The following IQCM variants were observed in gnomAD, a reference collection of about 807,000 sequenced individuals.
The protein encoded by IQCM is IQ domain-containing protein M.
IQCM carries 45 observed loss-of-function variants against 57.6 expected under a neutral mutation model. The observed-to-expected ratio is 0.78, with a 90% CI of 0.62 to 1.00. IQCM has a LOEUF of 1.00. IQCM is among the 50% of genes least tolerant of loss of function. The pLI is 0.00. For synonymous variants in IQCM, 148 were observed against 158.9 expected, an observed-to-expected ratio of 0.93 and a Z score of 0.51; for missense variants, 468 against 511.6, an observed-to-expected ratio of 0.91 and a Z score of 0.82.
intron 13 of IQCM, among the ~76,000 whole-genome samples, chr4:149,398,868 G>T (rs1276258135): frequency 6.6e-6 from 1 of 151,766 alleles, no homozygotes; most frequent in African/African-American, 2.4e-5. Flanking sequence ...CACCATGCAT[G>T]GCTAGTTTTT....
intron 7 of IQCM, among the ~76,000 whole-genome samples, chr4:149,659,231 C>T (rs1435435728): frequency 2.0e-5 from 3 of 152,004 alleles, no homozygotes; most frequent in African/African-American, 7.2e-5. Context: ...CTCCCATTCA[C>T]AATTGCTTCA....
intron 7 of IQCM, among the ~76,000 whole-genome samples, chr4:149,679,776 A>G (rs1762042412): frequency 6.6e-6 from 1 of 151,458 alleles, no homozygotes; most frequent in African/African-American, 2.4e-5. Context: ...ATAGACCTCA[A>G]TGATTATGTC....
At position 149,641,947 on chromosome 4, in the gene IQCM, T is replaced by C. The variant is rs184099878; in HGVS notation, c.566-20703A>G. The stretch of plus-strand genomic sequence containing the variant: ...CTTGATTTTGTATTCTAAAAATTAG[T>C]TCAACAATTTCACTGTAGATAAATT... On this transcript the variant is annotated intron_variant, in intron 7 of 13. Coordinates refer to ENST00000636793, the MANE Select transcript of IQCM (RefSeq NM_001363507.2). Among the ~76,000 whole-genome samples the C allele has an allele frequency of 9.9e-5, 15 of 152,274 alleles. No homozygotes were observed. The East Asian group carries it at 2.1e-3, about 22-fold the overall frequency.
chr4:149,646,498 T>C (rs1398265232), intron 7 of IQCM, among the ~76,000 whole-genome samples: 1 of 152,166 alleles, frequency 6.6e-6, no homozygotes, highest in Non-Finnish European at 1.5e-5. Context: ...ATATCACCTT[T>C]TACATTCTTA....
chr4:149,481,697 T>TTTTGTTTTTTTTTTTTTTTGTTTG (rs1740810440), intron 12 of IQCM, among the ~76,000 whole-genome samples: 12 of 91,060 alleles, frequency 1.3e-4, no homozygotes, highest in African/African-American at 4.3e-4. Flanking sequence ...ATTCTTCCAG[T>TTTTGTTTTTTTTTTTTTTTGTTTG]TTTGTTTTTT....
At chr4:149,667,477 C>T (rs532310906) in intron 7 of IQCM, among the ~76,000 whole-genome samples, 9 of 152,096 alleles carry the variant, frequency 5.9e-5, no homozygotes, top group Non-Finnish European at 1.3e-4. Context: ...ATGAGAAAAC[C>T]AGCACAAAAA....
intron 2 of IQCM, among the ~76,000 whole-genome samples, chr4:149,815,035 C>G (rs969249690): frequency 2.0e-5 from 3 of 151,936 alleles, no homozygotes; most frequent in African/African-American, 7.2e-5. Context: ...TTTATTTTCT[C>G]TTTGTAAGAG....
chr4:149,472,136 G>T (rs960493730), intron 12 of IQCM, among the ~76,000 whole-genome samples: 1 of 152,190 alleles, frequency 6.6e-6, no homozygotes, highest in African/African-American at 2.4e-5. Flanking sequence ...TCAGGCAAGA[G>T]AAAGAAATAA....
intron 5 of IQCM, among the ~76,000 whole-genome samples, chr4:149,697,620 A>G: frequency 6.6e-6 from 1 of 152,068 alleles, no homozygotes; most frequent in African/African-American, 2.4e-5. Flanking sequence ...CAAATCAAAT[A>G]TATAAGTTCC....
Position 149,553,235 on chromosome 4 carries a change from A to AACAT in IQCM, c.1000_1001insATGT (p.Leu334HisfsTer7). 1 of 1,231,890 alleles carries AACAT rather than the reference A, an allele frequency of 8.1e-7. No individual in the cohort carries two copies. Among genetic ancestry groups the AACAT allele is most frequent in the Non-Finnish European group, 1.0e-6 (1 of 987,754 alleles). 76.3% of individuals were successfully genotyped at this position (1,231,890 alleles called of 1,614,324 possible). On this transcript the variant is annotated frameshift_variant, in exon 11 of 14. Transcript: ENST00000636793. LOFTEE classifies it high-confidence loss of function. ...ACGTCGATATCTAACACGGTGGATT[A>AACAT]GTCTGCCATACATGTTAATAACTGC...
intron 13 of IQCM, among the ~76,000 whole-genome samples, chr4:149,373,011 A>C (rs375584187): frequency 6.6e-6 from 1 of 152,168 alleles, no homozygotes; most frequent in Admixed American, 6.6e-5. Flanking sequence ...TAGGTAAGTG[A>C]TGCTTCTCAG....
intron 7 of IQCM, among the ~76,000 whole-genome samples, chr4:149,666,395 C>T (rs1760725865): frequency 1.3e-5 from 2 of 152,186 alleles, no homozygotes; most frequent in Admixed American, 6.5e-5. Flanking sequence ...GCTATCTGGC[C>T]CAGATACTAC....
intron 9 of IQCM, among the ~76,000 whole-genome samples, chr4:149,567,779 A>G (rs1243697154): frequency 1.3e-5 from 2 of 152,166 alleles, no homozygotes; most frequent in African/African-American, 2.4e-5. Context: ...GAGGGCTGCA[A>G]GACATGACAA....
At chr4:149,788,467 G>C (rs1232286401) in intron 2 of IQCM, among the ~76,000 whole-genome samples, 1 of 152,146 alleles carries the variant, frequency 6.6e-6, no homozygotes, top group Non-Finnish European at 1.5e-5. Flanking sequence ...TAGTTAGAAC[G>C]GCTACTGCAT....
Position 149,686,436 on chromosome 4 carries a change from T to C in IQCM, c.418A>G (p.Ile140Val). ...QVKLDKIMTI[I>V]EPVSKKMETA... Reference sequence around the variant, plus strand: ...TCCATTTTTTTACTCACTGGTTCAATAATAGTCATGATTTTATCCAATTTA... The same window carrying C: ...TCCATTTTTTTACTCACTGGTTCAACAATAGTCATGATTTTATCCAATTTA... The change falls in exon 6 of 14, where the codon ATT becomes GTT. Residue 140 changes from isoleucine (I) to valine (V), a missense_variant. Coordinates refer to ENST00000636793, the MANE Select transcript of IQCM (RefSeq NM_001363507.2). 8.1e-7 allele frequency: 1 copy of C among 1,227,648 alleles called. No individual in the cohort carries two copies. The highest frequency in any genetic ancestry group is 3.2e-5 in the East Asian group (1 of 31,548). 76.0% of individuals were successfully genotyped at this position (1,227,648 alleles called of 1,614,324 possible).
At chr4:149,356,482 C>T (rs1159351134) in intron 13 of IQCM, among the ~76,000 whole-genome samples, 1 of 151,884 alleles carries the variant, frequency 6.6e-6, no homozygotes, top group African/African-American at 2.4e-5. Flanking sequence ...GTTTTCCCAG[C>T]ACCATTTATT....
intron 8 of IQCM, among the ~76,000 whole-genome samples, chr4:149,602,065 T>C (rs1162794958): frequency 6.9e-6 from 1 of 145,886 alleles, no homozygotes; most frequent in East Asian, 2.0e-4. Flanking sequence ...AGAAAAAATA[T>C]GCTTTTTACT....
chr4:149,621,370 T>C (rs1756319078), intron 7 of IQCM, 126 bp from the exon 8 acceptor site: 2 of 407,972 alleles, frequency 4.9e-6, no homozygotes, highest in Admixed American at 8.8e-5. Flanking sequence ...TGTATTAAAA[T>C]CACATCTTGT....
intron 13 of IQCM, among the ~76,000 whole-genome samples, chr4:149,385,522 T>A (rs1170747972): frequency 3.9e-5 from 6 of 152,074 alleles, no homozygotes; most frequent in Admixed American, 3.9e-4. Flanking sequence ...CACAAATTTA[T>A]ATAAAAAACT....
Sources: allele counts gnomAD v4.1 joint callset (sites outside exome capture counted in the v4.1 genomes callset), GRCh38; gene constraint gnomAD v4.1.1; transcripts MANE v1.5; gene names NCBI Gene and HGNC (gene_info 2026-07-23, HGNC 2026-07-21).